Variants in SASH1 observed in about 807,000 individuals in gnomAD.
SASH1 encodes the protein SAM and SH3 domain-containing protein 1.
Under a neutral mutation model 125.2 loss-of-function variants are expected in SASH1, and 44 were observed. That is an observed-to-expected ratio of 0.35 (90% CI 0.28 to 0.45). SASH1 has a LOEUF of 0.45. Ranked by LOEUF, SASH1 falls within the 20% of genes least tolerant of loss-of-function variation. The pLI, the probability that SASH1 is intolerant of heterozygous loss-of-function variation, is 1.00. For missense variants in SASH1, 1,426 were observed against 1,614.5 expected (o/e 0.88, Z 2.00); for synonymous variants, 639 against 649.1 (o/e 0.98, Z 0.24).
intron 1 of SASH1, among the ~76,000 whole-genome samples, chr6:148,302,332 A>G (rs1292793032): frequency 6.9e-6 from 1 of 144,440 alleles, no homozygotes; most frequent in Non-Finnish European, 1.6e-5. Flanking sequence ...AAAAAAAAAA[A>G]AAAAAAAAAC....
intron 1 of SASH1, among the ~76,000 whole-genome samples, chr6:148,348,322 G>A (rs762342045): frequency 3.9e-5 from 6 of 152,298 alleles, no homozygotes; most frequent in South Asian, 2.1e-4. Flanking sequence ...TGGGGTTGCC[G>A]AATCTTTTCC....
Position 148,533,648 on chromosome 6 carries a change from G to A in SASH1, c.1735-123G>A. The A allele has an allele frequency of 1.1e-6, 1 of 893,022 alleles. No homozygotes were observed. The highest frequency in any genetic ancestry group is 1.8e-6 in the Non-Finnish European group (1 of 568,956). 55.3% of individuals were successfully genotyped at this position (893,022 alleles called of 1,614,324 possible). A position where few individuals can be genotyped will look rare whatever the true frequency, so the allele number is the denominator to read the frequency against. On this transcript the variant is annotated intron_variant, in intron 14 of 19. Transcript: ENST00000367467. The surrounding 1 kb of genome is among the most constrained non-coding windows in gnomAD (Gnocchi z 6.2). ...CAGGTCACTCAGAGGGGTGACTTGT[G>A]GGACCCCGATTCTGGCCTTTGTGGC...
chr6:148,402,760 C>T (rs1366823166), intron 2 of SASH1, among the ~76,000 whole-genome samples: 1 of 151,946 alleles, frequency 6.6e-6, no homozygotes, highest in Non-Finnish European at 1.5e-5. Context: ...AGGCGCCCGC[C>T]ACCACGCCCG....
intron 1 of SASH1, among the ~76,000 whole-genome samples, chr6:148,355,359 G>A (rs1781890641): frequency 6.6e-6 from 1 of 152,182 alleles, no homozygotes; most frequent in African/African-American, 2.4e-5. Context: ...TACTGGAAGA[G>A]CGTCATAACA....
At chr6:148,251,839 C>G in the SASH1 span, among the ~76,000 whole-genome samples, 6 of 112,586 alleles carry the variant, frequency 5.3e-5, no homozygotes, top group East Asian at 3.3e-4. Context: ...CCCCTCCCCC[C>G]ACCCCACAAC....
intron 11 of SASH1, 54 bp downstream of exon 11, chr6:148,525,419 A>G: frequency 7.5e-7 from 1 of 1,329,588 alleles, no homozygotes; most frequent in South Asian, 1.2e-5. Context: ...TGAGGTTGAC[A>G]ATAGTTCACC....
intron 1 of SASH1, among the ~76,000 whole-genome samples, chr6:148,303,517 C>T (rs1329230404): frequency 6.6e-6 from 1 of 152,110 alleles, no homozygotes; most frequent in Non-Finnish European, 1.5e-5. Flanking sequence ...TACTCCTAGG[C>T]TGGGCGCAGT....
chr6:148,202,008 T>A, the SASH1 span, among the ~76,000 whole-genome samples: 7 of 152,078 alleles, frequency 4.6e-5, no homozygotes, highest in Admixed American at 4.6e-4. Flanking sequence ...CCGGTCCATA[T>A]TATCTCTTAG....
intron 7 of SASH1, among the ~76,000 whole-genome samples, chr6:148,483,159 T>C (rs1778703362): frequency 6.6e-6 from 1 of 152,124 alleles, no homozygotes; most frequent in Non-Finnish European, 1.5e-5. Context: ...TGCCGAGAGA[T>C]TGGTCATCTA....
chr6:148,227,895 A>G, the SASH1 span, among the ~76,000 whole-genome samples: 1 of 152,144 alleles, frequency 6.6e-6, no homozygotes, highest in African/African-American at 2.4e-5. Context: ...ATCATGTCAT[A>G]CTCCGATGTA....
intron 1 of SASH1, among the ~76,000 whole-genome samples, chr6:148,387,624 CTT>C (rs1192824688): frequency 3.5e-5 from 1 of 28,862 alleles, no homozygotes; most frequent in Admixed American, 4.8e-4. Flanking sequence ...TTCTTTCTTT[CTT>C]TCTTTCTTTC....
At chr6:148,218,694 A>G in the SASH1 span, among the ~76,000 whole-genome samples, 1 of 152,188 alleles carries the variant, frequency 6.6e-6, no homozygotes, top group East Asian at 1.9e-4. Flanking sequence ...TCCTGCTAGC[A>G]GTACTTTGGA....
the SASH1 span, among the ~76,000 whole-genome samples, chr6:148,254,978 G>A: frequency 1.6e-3 from 250 of 152,214 alleles, 5 homozygotes; most frequent in East Asian, 0.04. Context: ...ATGATGAATG[G>A]ATAAACCAAA....
intron 2 of SASH1, among the ~76,000 whole-genome samples, chr6:148,432,959 ATG>A (rs1321324984): frequency 1.3e-5 from 2 of 152,180 alleles, no homozygotes; most frequent in African/African-American, 4.8e-5. Context: ...GTGGCTGTAG[ATG>A]TGTGTGTGTA....
At chr6:148,545,878 C>A in intron 18 of SASH1, 137 bp from the exon 19 acceptor site, 1 of 788,892 alleles carries the variant, frequency 1.3e-6, no homozygotes, top group South Asian at 2.3e-5. Context: ...GAGTTTGAGG[C>A]TGCAGTGAGC....
At position 148,549,682 on chromosome 6, in the gene SASH1, C is replaced by T; in HGVS notation, c.*1124C>T. ...TATTACAACTAATACTATTATTATC[C>T]TTCTTTTTTTATTTAGATAATTCTT... On this transcript the variant is annotated 3_prime_UTR_variant, in exon 20 of 20. Coordinates refer to ENST00000367467, the MANE Select transcript of SASH1 (RefSeq NM_015278.5). 2.5e-6 allele frequency: 1 copy of T among 398,682 alleles called. No individual in the cohort carries two copies. The highest frequency in any genetic ancestry group is 1.3e-4 in the South Asian group (1 of 7,834). The allele number at this position is 398,682 out of a possible 1,614,324, so 24.7% of individuals were successfully genotyped here.
rs952475094 is a variant in SASH1 at position 148,549,759 on chromosome 6, T to A, written c.*1201T>A. 1 of 393,568 alleles carries A rather than the reference T, an allele frequency of 2.5e-6. No individual in the cohort carries two copies. Among genetic ancestry groups the A allele is most frequent in the Non-Finnish European group, 4.5e-6 (1 of 223,124 alleles). The allele number at this position is 393,568 out of a possible 1,614,324, so 24.4% of individuals were successfully genotyped here. A position where few individuals can be genotyped will look rare whatever the true frequency, so the allele number is the denominator to read the frequency against. ...AACCAGACAAATCTCATTAGCCATG[T>A]GTTAAGTATTTGCTACTTTAAATTG... On this transcript the variant is annotated 3_prime_UTR_variant, in exon 20 of 20. Transcript: ENST00000367467.
At chr6:148,520,966 A>T (rs1395829829) in intron 10 of SASH1, among the ~76,000 whole-genome samples, 1 of 152,160 alleles carries the variant, frequency 6.6e-6, no homozygotes, top group Non-Finnish European at 1.5e-5. Context: ...CCATGTTCTT[A>T]TCTTTATAAA....
chr6:148,326,414 C>CTTTTTT (rs56066712), intron 1 of SASH1, among the ~76,000 whole-genome samples: 32 of 84,054 alleles, frequency 3.8e-4, no homozygotes, highest in Non-Finnish European at 6.8e-4. Flanking sequence ...CTTTTCTTTT[C>CTTTTTT]TTTTTTTTGA....
Sources: allele counts gnomAD v4.1 joint callset (sites outside exome capture counted in the v4.1 genomes callset), GRCh38; gene constraint gnomAD v4.1.1; non-coding constraint Gnocchi (gnomAD v3.1); transcripts MANE v1.5; gene names NCBI Gene and HGNC (gene_info 2026-07-23, HGNC 2026-07-21).